ATP2B2: variants seen among roughly 807,000 people sequenced by gnomAD.
The protein encoded by ATP2B2 is plasma membrane calcium-transporting ATPase 2.
Under a neutral mutation model 120.0 loss-of-function variants are expected in ATP2B2, and 15 were observed. The ratio of observed to expected loss-of-function variants is 0.12; its 90% CI spans 0.08 to 0.19. The LOEUF (loss-of-function observed/expected upper bound fraction) is 0.19, where lower values mean the gene tolerates loss of function less well. ATP2B2 is among the 10% of genes least tolerant of loss of function. The pLI, the probability that ATP2B2 is intolerant of heterozygous loss-of-function variation, is 1.00. For missense variants in ATP2B2, 1,045 were observed against 1,719.8 expected, an observed-to-expected ratio of 0.61 and a Z score of 6.94; for synonymous variants, 694 against 700.3, an observed-to-expected ratio of 0.99 and a Z score of 0.14.
intron 2 of ATP2B2, among the ~76,000 whole-genome samples, chr3:10,570,877 G>T (rs1559464180): frequency 6.6e-6 from 1 of 152,202 alleles, no homozygotes; most frequent in African/African-American, 2.4e-5. Flanking sequence ...TGCCCCGAGA[G>T]GCCCACTTTG....
chr3:10,631,103 G>C (rs945384804), intron 1 of ATP2B2, among the ~76,000 whole-genome samples: 4 of 152,360 alleles, frequency 2.6e-5, no homozygotes, highest in Middle Eastern at 6.8e-3. Flanking sequence ...TACTCTGTGT[G>C]TTTCAATTTC....
intron 2 of ATP2B2, among the ~76,000 whole-genome samples, chr3:10,600,774 C>T (rs547331429): frequency 6.6e-6 from 1 of 152,214 alleles, no homozygotes; most frequent in South Asian, 2.1e-4. Flanking sequence ...GATCACTCAC[C>T]TTGCTTCCCA....
Position 10,326,074 on chromosome 3 carries a change from C to T in ATP2B2, c.*2740G>A, listed in dbSNP as rs1435369593. On this transcript the variant is annotated 3_prime_UTR_variant, in exon 23 of 23. Transcript: ENST00000360273. ...TAACCATTGCATAGTATTAAATGAA[C>T]AGAGATGGTGAGTTCTTTATTTACA... The T allele has an allele frequency of 7.4e-6, 1 of 135,296 alleles. No individual in the cohort carries two copies. Among genetic ancestry groups the T allele is most frequent in the Non-Finnish European group, 1.6e-5 (1 of 63,652 alleles). 8.4% of individuals were successfully genotyped at this position (135,296 alleles called of 1,614,324 possible). A position where few individuals can be genotyped will look rare whatever the true frequency, so the allele number is the denominator to read the frequency against.
At chr3:10,501,575 G>GCCCTTGGA (rs1373377032) in intron 1 of ATP2B2, among the ~76,000 whole-genome samples, 1 of 151,742 alleles carries the variant, frequency 6.6e-6, no homozygotes, top group Non-Finnish European at 1.5e-5. Flanking sequence ...CTTGGAGAGT[G>GCCCTTGGA]CCCTTGGAGC....
At chr3:10,515,639 T>A (rs554217007) in intron 3 of ATP2B2, among the ~76,000 whole-genome samples, 7 of 152,218 alleles carry the variant, frequency 4.6e-5, no homozygotes, top group Admixed American at 4.6e-4. Flanking sequence ...AGGTGGTATA[T>A]GTCTGGGGCA....
chr3:10,387,137 A>T (rs566282406), intron 6 of ATP2B2, among the ~76,000 whole-genome samples: 1 of 151,578 alleles, frequency 6.6e-6, no homozygotes, highest in South Asian at 2.1e-4. Context: ...GCATGTGCAC[A>T]CTCTCCTTAT....
At chr3:10,336,049 T>C in intron 22 of ATP2B2, 1 of 1,472,654 alleles carries the variant, frequency 6.8e-7, no homozygotes, top group Non-Finnish European at 9.2e-7. Context: ...GCCCCCCATG[T>C]CCTCTGGTGC....
chr3:10,347,164 CA>C lies in ATP2B2; in HGVS notation c.2405-1028del, dbSNP rs1489616909. Among the ~76,000 whole-genome samples, 1 of 152,192 alleles carries C rather than the reference CA, an allele frequency of 6.6e-6. No homozygotes were observed. The highest frequency in any genetic ancestry group is 1.5e-5 in the Non-Finnish European group (1 of 68,042). The stretch of plus-strand genomic sequence containing the variant: ...GTCCTCTGTGACCAGGCCTCACTCA[CA>C]TCCTGACCTCTTCTCTTCTCTCATC... On this transcript the variant is annotated intron_variant, in intron 16 of 22. Coordinates refer to ENST00000360273, the MANE Select transcript of ATP2B2 (RefSeq NM_001001331.4). The surrounding 1 kb of genome is among the most constrained non-coding windows in gnomAD (Gnocchi z 5.2).
chr3:10,680,980 T>A (rs1294946368), intron 1 of ATP2B2, among the ~76,000 whole-genome samples: 1 of 152,176 alleles, frequency 6.6e-6, no homozygotes, highest in Non-Finnish European at 1.5e-5. Flanking sequence ...CCTCTTATAG[T>A]GAGTGTGCTC....
At position 10,338,221 on chromosome 3, in the gene ATP2B2, C is replaced by T; in HGVS notation, c.3375G>A (p.Arg1125=). Residue 1125 remains arginine, a synonymous_variant, in exon 22 of 23, where the codon CGG becomes CGA. Coordinates refer to ENST00000360273, the MANE Select transcript of ATP2B2 (RefSeq NM_001001331.4). ...GGCCTCGGAACCACAGGATCTGGCC[C>T]CGCCGCAGCTCCCGCTCCGCGTGGT... ...EIDHAERELR[R]GQILWFRGLN... 6.2e-7 allele frequency: 1 copy of T among 1,614,212 alleles called. No individual in the cohort carries two copies. Among genetic ancestry groups the T allele is most frequent in the South Asian group, 1.1e-5 (1 of 91,088 alleles).
chr3:10,655,667 G>A (rs913418059), intron 1 of ATP2B2, among the ~76,000 whole-genome samples: 1 of 152,166 alleles, frequency 6.6e-6, no homozygotes, highest in African/African-American at 2.4e-5. Flanking sequence ...CTGGACTTAC[G>A]TGGAGTCACC....
intron 2 of ATP2B2, among the ~76,000 whole-genome samples, chr3:10,570,549 A>G (rs1442897759): frequency 1.3e-5 from 2 of 152,200 alleles, no homozygotes; most frequent in South Asian, 2.1e-4. Context: ...ACAATGAAAT[A>G]TTTATCAAAA....
At position 10,449,572 on chromosome 3, in the gene ATP2B2, C is replaced by T; in HGVS notation, c.-29G>A. 1 of 1,614,006 alleles carries T rather than the reference C, an allele frequency of 6.2e-7. No individual in the cohort carries two copies. The highest frequency in any genetic ancestry group is 8.5e-7 in the Non-Finnish European group (1 of 1,179,890). On this transcript the variant is annotated 5_prime_UTR_variant, in exon 2 of 23. Transcript: ENST00000360273. ...TGCTGCGGTCCTTGCTCGGGCTGGG[C>T]CCAAGGGTCAGCGCTGGACAAGAGG...
chr3:10,532,278 A>G (rs2067227320), intron 3 of ATP2B2, among the ~76,000 whole-genome samples: 1 of 152,228 alleles, frequency 6.6e-6, no homozygotes, highest in African/African-American at 2.4e-5. Context: ...GAATAAAAGT[A>G]TAACAATGAC....
chr3:10,667,598 C>T (rs192519801), intron 1 of ATP2B2, among the ~76,000 whole-genome samples: 1 of 152,182 alleles, frequency 6.6e-6, no homozygotes, highest in Non-Finnish European at 1.5e-5. Flanking sequence ...TCACAGGGAC[C>T]ATTTCTGGTC....
intron 2 of ATP2B2, among the ~76,000 whole-genome samples, chr3:10,605,646 C>T (rs2069042525): frequency 1.1e-5 from 1 of 91,002 alleles, no homozygotes; most frequent in Non-Finnish European, 2.1e-5. Flanking sequence ...GGGACCCTAT[C>T]TTTACAGTTT....
At chr3:10,586,962 C>A (rs1418333305) in intron 2 of ATP2B2, among the ~76,000 whole-genome samples, 5 of 152,168 alleles carry the variant, frequency 3.3e-5, no homozygotes, top group African/African-American at 4.8e-5. Flanking sequence ...CACATCTCGC[C>A]CTGACCTTGA....
intron 12 of ATP2B2, among the ~76,000 whole-genome samples, chr3:10,367,186 C>T (rs912034395): frequency 1.2e-4 from 19 of 152,118 alleles, no homozygotes; most frequent in Non-Finnish European, 2.9e-5. Flanking sequence ...ATGCCCAGGC[C>T]ACAAATCACC....
chr3:10,612,575 C>T (rs1250850996), intron 2 of ATP2B2, among the ~76,000 whole-genome samples: 2 of 152,092 alleles, frequency 1.3e-5, no homozygotes, highest in Admixed American at 6.6e-5. Context: ...TTTTTTCTCC[C>T]TAAAGACACT....
Sources: allele counts gnomAD v4.1 joint callset (sites outside exome capture counted in the v4.1 genomes callset), GRCh38; gene constraint gnomAD v4.1.1; non-coding constraint Gnocchi (gnomAD v3.1); transcripts MANE v1.5; gene names NCBI Gene and HGNC (gene_info 2026-07-23, HGNC 2026-07-21).